SMARCC1: variants seen among roughly 807,000 people sequenced by gnomAD.
SMARCC1 encodes the protein SWI/SNF related BAF chromatin remodeling complex subunit C1.
Under a neutral mutation model 147.4 loss-of-function variants are expected in SMARCC1, and 43 were observed. The ratio of observed to expected loss-of-function variants is 0.29; its 90% CI spans 0.23 to 0.38. The LOEUF (loss-of-function observed/expected upper bound fraction) is 0.38, where lower values mean the gene tolerates loss of function less well. Among genes scored for constraint, SMARCC1 ranks in the 10% least tolerant of loss-of-function variants. The probability of loss-of-function intolerance (pLI) is 1.00; values close to 1 mark genes in which losing one functional copy is unlikely to be tolerated. For synonymous variants in SMARCC1, 495 were observed against 484.4 expected (o/e 1.02, Z -0.29); for missense variants, 1,119 against 1,381.1 (o/e 0.81, Z 3.01).
intron 19 of SMARCC1, among the ~76,000 whole-genome samples, chr3:47,664,335 C>G (rs1440982719): frequency 6.6e-6 from 1 of 152,100 alleles, no homozygotes; most frequent in African/African-American, 2.4e-5. Flanking sequence ...TGTGTTCATT[C>G]ATTAGAAGTC....
intron 1 of SMARCC1, among the ~76,000 whole-genome samples, chr3:47,778,099 C>G (rs2034996978): frequency 6.8e-6 from 1 of 146,034 alleles, no homozygotes; most frequent in Non-Finnish European, 1.5e-5. Flanking sequence ...CCCAGCTACT[C>G]AAGAGGCTGG....
At position 47,778,785 on chromosome 3, in the gene SMARCC1, G is replaced by A. The variant is rs559437399; in HGVS notation, c.195+2818C>T. ...AGGCAGGCAGAGAGCCCAGGAGTTC[G>A]AGACCAGCCTGGGCAACACTGCAAA... On this transcript the variant is annotated intron_variant, in intron 1 of 27. Coordinates refer to ENST00000254480, the MANE Select transcript of SMARCC1 (RefSeq NM_003074.4). 1.4e-4 allele frequency among the ~76,000 whole-genome samples: 22 copies of A among 152,154 alleles called. No homozygotes were observed. The East Asian group carries it at 3.5e-3, about 24-fold the overall frequency.
At chr3:47,780,168 G>GGT (rs71625832) in intron 1 of SMARCC1, among the ~76,000 whole-genome samples, 11 of 61,882 alleles carry the variant, frequency 1.8e-4, no homozygotes, top group Admixed American at 1.5e-3. Flanking sequence ...GTTTTTTTTT[G>GGT]TTTTTTTTTT....
intron 25 of SMARCC1, among the ~76,000 whole-genome samples, chr3:47,620,166 C>T (rs1469615931): frequency 1.3e-5 from 2 of 152,112 alleles, no homozygotes; most frequent in Non-Finnish European, 2.9e-5. Context: ...CAACTCATTA[C>T]AAAAATTTAT....
chr3:47,681,369 C>G (rs2049301), intron 14 of SMARCC1, among the ~76,000 whole-genome samples: 93,964 of 152,020 alleles, frequency 0.62, 29,765 homozygotes, highest in East Asian at 0.72. Context: ...AAAAATTTCA[C>G]TATCAATTGC....
intron 3 of SMARCC1, among the ~76,000 whole-genome samples, chr3:47,741,177 G>C (rs1402387182): frequency 6.6e-6 from 1 of 151,930 alleles, no homozygotes; most frequent in Non-Finnish European, 1.5e-5. Flanking sequence ...CGAGACAACT[G>C]TTTCAGTAGA....
intron 21 of SMARCC1, among the ~76,000 whole-genome samples, chr3:47,640,207 T>A: frequency 6.7e-6 from 1 of 149,722 alleles, no homozygotes; most frequent in Admixed American, 6.6e-5. Flanking sequence ...TATGAGATAG[T>A]GAAAAAAGAA....
At chr3:47,777,762 A>G (rs893216673) in intron 1 of SMARCC1, among the ~76,000 whole-genome samples, 4 of 151,620 alleles carry the variant, frequency 2.6e-5, no homozygotes, top group African/African-American at 9.7e-5. Flanking sequence ...TCCTGACCTC[A>G]GGTGATCCAC....
chr3:47,737,813 G>C (rs7630178), intron 4 of SMARCC1, among the ~76,000 whole-genome samples: 1 of 148,672 alleles, frequency 6.7e-6, no homozygotes, highest in African/African-American at 2.5e-5. Flanking sequence ...CCGGAACCAC[G>C]TGCGGCTAAT....
At chr3:47,596,387 G>C (rs948310084) in intron 26 of SMARCC1, among the ~76,000 whole-genome samples, 2 of 151,944 alleles carry the variant, frequency 1.3e-5, no homozygotes, top group Non-Finnish European at 2.9e-5. Context: ...GGCCAAGATG[G>C]TGAAACCCCA....
chr3:47,635,974 C>G, intron 23 of SMARCC1, 48 bp downstream of exon 23: 1 of 889,836 alleles, frequency 1.1e-6, no homozygotes, highest in South Asian at 1.5e-5. Context: ...TTCTCCAGTG[C>G]CTTTTACAGT....
At chr3:47,717,612 G>C (rs1181988976) in intron 7 of SMARCC1, among the ~76,000 whole-genome samples, 3 of 152,052 alleles carry the variant, frequency 2.0e-5, no homozygotes, top group Non-Finnish European at 4.4e-5. Context: ...TGCCCAGGCT[G>C]GAGTGCAGTG....
chr3:47,756,776 C>A (rs2034703764), intron 2 of SMARCC1, among the ~76,000 whole-genome samples: 1 of 152,094 alleles, frequency 6.6e-6, no homozygotes, highest in African/African-American at 2.4e-5. Flanking sequence ...AACCATATGA[C>A]CCAAAAGGCC....
At chr3:47,758,132 GAAA>G (rs1482792978) in intron 2 of SMARCC1, among the ~76,000 whole-genome samples, 1 of 152,076 alleles carries the variant, frequency 6.6e-6, no homozygotes, top group East Asian at 1.9e-4. Flanking sequence ...AACAGCTATC[GAAA>G]AACAACAAGG....
Position 47,719,219 on chromosome 3 carries a change from A to G in SMARCC1, c.716+1447T>C, listed in dbSNP as rs139665320. ...GTGAGCCACCACGCCCGGCCCCACTATTTTCACTAATATCTAGCTCTTGTT... is the reference window on the plus strand; with the variant it reads ...GTGAGCCACCACGCCCGGCCCCACTGTTTTCACTAATATCTAGCTCTTGTT... On this transcript the variant is annotated intron_variant, in intron 7 of 27. Transcript: ENST00000254480. 5.6e-3 allele frequency among the ~76,000 whole-genome samples: 843 copies of G among 151,872 alleles called. 10 individuals carry two copies. Among genetic ancestry groups the G allele is most frequent in the African/African-American group, 0.019 (794 of 41,418 alleles).
chr3:47,706,158 A>G (rs2033991267), intron 10 of SMARCC1, among the ~76,000 whole-genome samples: 1 of 152,166 alleles, frequency 6.6e-6, no homozygotes, highest in African/African-American at 2.4e-5. Flanking sequence ...ATACAAAAAA[A>G]AAAAAAAATT....
At position 47,659,174 on chromosome 3, in the gene SMARCC1, A is replaced by T. The variant is rs929974437; in HGVS notation, c.2320+2120T>A. ...CAGAATCAGTAATCAAGAAAGTAAGAAAAGTCCAGGACACGATGGCTTTAC... is the reference window on the plus strand; with the variant it reads ...CAGAATCAGTAATCAAGAAAGTAAGTAAAGTCCAGGACACGATGGCTTTAC... On this transcript the variant is annotated intron_variant, in intron 21 of 27. Transcript: ENST00000254480. Among the ~76,000 whole-genome samples the T allele has an allele frequency of 5.9e-5, 9 of 151,700 alleles. No individual in the cohort carries two copies. In the East Asian group the frequency reaches 1.5e-3, roughly 26 times the overall value.
intron 6 of SMARCC1, among the ~76,000 whole-genome samples, chr3:47,727,617 GT>G (rs1019175816): frequency 2.7e-4 from 39 of 145,034 alleles, no homozygotes; most frequent in Admixed American, 4.2e-4. Flanking sequence ...GTTGTTTTTT[GT>G]TTTTTTTTTT....
At chr3:47,744,191 G>A (rs2034541092) in intron 3 of SMARCC1, among the ~76,000 whole-genome samples, 1 of 152,108 alleles carries the variant, frequency 6.6e-6, no homozygotes, top group Non-Finnish European at 1.5e-5. Context: ...GCCCAGGCAG[G>A]AGTGCAGTGG....
Sources: allele counts gnomAD v4.1 joint callset (sites outside exome capture counted in the v4.1 genomes callset), GRCh38; gene constraint gnomAD v4.1.1; transcripts MANE v1.5; gene names NCBI Gene and HGNC (gene_info 2026-07-23, HGNC 2026-07-21).